The following DIP2C variants were observed in gnomAD, a reference collection of about 807,000 sequenced individuals.
The protein encoded by DIP2C is disco-interacting protein 2 homolog C.
In DIP2C, 33 loss-of-function variants were observed where a neutral mutation model predicts 192.4. That is an observed-to-expected ratio of 0.17 (90% CI 0.13 to 0.23). The LOEUF is 0.23. Ranked by LOEUF, DIP2C falls within the 10% of genes least tolerant of loss-of-function variation. The pLI is 1.00. For missense variants in DIP2C, 1,537 were observed against 2,110.1 expected, an observed-to-expected ratio of 0.73 and a Z score of 5.32; for synonymous variants, 979 against 864.1, an observed-to-expected ratio of 1.13 and a Z score of -2.33.
At chr10:509,347 C>T (rs1379417878) in intron 1 of DIP2C, among the ~76,000 whole-genome samples, 1 of 152,098 alleles carries the variant, frequency 6.6e-6, no homozygotes, top group African/African-American at 2.4e-5. Context: ...CACTAAGGAG[C>T]TTGTCCAAGA....
At chr10:475,473 G>A (rs146234044) in intron 2 of DIP2C, among the ~76,000 whole-genome samples, 24 of 152,232 alleles carry the variant, frequency 1.6e-4, no homozygotes, top group African/African-American at 5.8e-4. Context: ...GGCTTCCTGT[G>A]ATTACCTCCA....
intron 1 of DIP2C, among the ~76,000 whole-genome samples, chr10:593,022 A>AT (rs1046898507): frequency 1.3e-5 from 2 of 152,280 alleles, no homozygotes; most frequent in African/African-American, 4.8e-5. Flanking sequence ...TGGTTTTAAA[A>AT]ATATATATAT....
intron 1 of DIP2C, among the ~76,000 whole-genome samples, chr10:629,571 G>A (rs1854395582): frequency 6.6e-6 from 1 of 152,132 alleles, no homozygotes; most frequent in African/African-American, 2.4e-5. Context: ...ACAGCCTCCA[G>A]CAGGCCCAGC....
intron 18 of DIP2C, among the ~76,000 whole-genome samples, chr10:369,116 C>A (rs1457958046): frequency 6.6e-6 from 1 of 152,228 alleles, no homozygotes; most frequent in East Asian, 1.9e-4. Flanking sequence ...TCTGCCTTGG[C>A]GGAAGCCGAG....
chr10:449,782 T>TAAA (rs59436219), intron 3 of DIP2C, among the ~76,000 whole-genome samples: 23 of 127,220 alleles, frequency 1.8e-4, no homozygotes, highest in African/African-American at 5.7e-4. Context: ...AAAGTATAAT[T>TAAA]AAAAAAAAAA....
intron 2 of DIP2C, among the ~76,000 whole-genome samples, chr10:474,068 C>T (rs1292732857): frequency 6.6e-6 from 1 of 152,212 alleles, no homozygotes; most frequent in Non-Finnish European, 1.5e-5. Flanking sequence ...CTCTTCCAGT[C>T]ATCATCTACA....
At chr10:624,149 C>T (rs943612816) in intron 1 of DIP2C, among the ~76,000 whole-genome samples, 5 of 152,202 alleles carry the variant, frequency 3.3e-5, no homozygotes, top group African/African-American at 1.2e-4. Flanking sequence ...AGCCGCACGG[C>T]GAGGCCCCCA....
chr10:575,703 C>G (rs1850107235), intron 1 of DIP2C, among the ~76,000 whole-genome samples: 1 of 152,186 alleles, frequency 6.6e-6, no homozygotes, highest in South Asian at 2.1e-4. Context: ...TGGAGGAGAA[C>G]AGCACAGAGG....
intron 6 of DIP2C, among the ~76,000 whole-genome samples, chr10:417,652 C>CTGCCTGCGCCTGT (rs1564684545): frequency 1.5e-4 from 2 of 13,134 alleles, no homozygotes; most frequent in Non-Finnish European, 4.2e-4. Flanking sequence ...GCCTCCCTGT[C>CTGCCTGCGCCTGT]CACCTGTTCC....
At chr10:349,224 G>A (rs757888520) in intron 25 of DIP2C, 107 bp downstream of exon 25, 42 of 1,469,706 alleles carry the variant, frequency 2.9e-5, no homozygotes, top group Non-Finnish European at 3.8e-5. Context: ...CAGACTCCCA[G>A]CCATGACGCG....
Position 324,798 on chromosome 10 carries a change from G to A in DIP2C, c.3924+2208C>T, listed in dbSNP as rs537920236. ...ACGTGTCAGGCCCCGCCCTGGTGCC[G>A]AGGTAAGGACGGTGGCACGCTTCAG... On this transcript the variant is annotated intron_variant, in intron 31 of 36. Coordinates refer to ENST00000280886, the MANE Select transcript of DIP2C (RefSeq NM_014974.3). The A allele has an allele frequency of 2.9e-4, 117 of 406,068 alleles. 1 individual carries two copies. The highest frequency in any genetic ancestry group is 1.9e-3 in the South Asian group (97 of 52,156). 25.2% of individuals were successfully genotyped at this position (406,068 alleles called of 1,614,324 possible).
chr10:606,916 A>ACCCC (rs1280495076), intron 1 of DIP2C, among the ~76,000 whole-genome samples: 55 of 152,216 alleles, frequency 3.6e-4, no homozygotes, highest in Admixed American at 7.8e-4. Context: ...CTGGGGTCTG[A>ACCCC]ATAGGGGCCT....
intron 3 of DIP2C, among the ~76,000 whole-genome samples, chr10:469,075 A>G (rs1233848516): frequency 6.6e-6 from 1 of 152,120 alleles, no homozygotes; most frequent in African/African-American, 2.4e-5. Flanking sequence ...GTGCAGGTGC[A>G]TAACTAGGAC....
At chr10:344,522 C>T (rs1958327156) in intron 28 of DIP2C, among the ~76,000 whole-genome samples, 1 of 152,150 alleles carries the variant, frequency 6.6e-6, no homozygotes, top group Admixed American at 6.5e-5. Context: ...TATCACAGAG[C>T]GTTCGGATTT....
chr10:538,784 TCA>T (rs1456775035), intron 1 of DIP2C, among the ~76,000 whole-genome samples: 1 of 152,236 alleles, frequency 6.6e-6, no homozygotes, highest in African/African-American at 2.4e-5. Flanking sequence ...ATTAATACTA[TCA>T]CAATTCTAAA....
chr10:417,170 C>T lies in DIP2C; in HGVS notation c.740-1282G>A, dbSNP rs560627432. Among the ~76,000 whole-genome samples, 71 of 152,210 alleles carry T rather than the reference C, an allele frequency of 4.7e-4. No individual in the cohort carries two copies. In the South Asian group the frequency reaches 5.0e-3, roughly 11 times the overall value. On this transcript the variant is annotated intron_variant, in intron 6 of 36. Transcript: ENST00000280886. ...GAATCATACCATTCCACCAGGCCAA[C>T]GATTCTCAAGCTTAATTTGGCAGAT...
chr10:344,732 A>G, intron 28 of DIP2C, 77 bp downstream of exon 28: 1 of 1,231,230 alleles, frequency 8.1e-7, no homozygotes, highest in Non-Finnish European at 1.2e-6. Flanking sequence ...AGGCGCTGAG[A>G]GCCAGCACGT....
In DIP2C at chr10:349,494, C is replaced by T. The variant is rs765979230; in HGVS notation, c.2986-40G>A. 3.2e-6 allele frequency: 5 copies of T among 1,578,578 alleles called. No homozygotes were observed. The South Asian group carries it at 4.4e-5, about 14-fold the overall frequency. Reference sequence around the variant, plus strand: ...CAGGGACAAGCACATAAGATTCCTTCAGCAGAGCAGCTTGCAGAGAGCGCG... The same window carrying T: ...CAGGGACAAGCACATAAGATTCCTTTAGCAGAGCAGCTTGCAGAGAGCGCG... On this transcript the variant is annotated intron_variant, in intron 24 of 36. Coordinates refer to ENST00000280886, the MANE Select transcript of DIP2C (RefSeq NM_014974.3).
intron 22 of DIP2C, 59 bp from the exon 23 acceptor site, chr10:357,996 A>C: frequency 7.5e-7 from 1 of 1,331,576 alleles, no homozygotes. Flanking sequence ...TTCAGACTAG[A>C]CCTCCCACTT....
Sources: gnomAD v4.1 joint callset for allele counts (sites outside exome capture counted in the v4.1 genomes callset) on GRCh38, gnomAD v4.1.1 for gene constraint, MANE v1.5 for transcripts, NCBI Gene and HGNC (gene_info 2026-07-23, HGNC 2026-07-21) for gene names.